Variants in SLC13A4 observed in about 807,000 individuals in gnomAD.
SLC13A4 encodes the protein solute carrier family 13 member 4.
A neutral mutation model predicts 72.7 loss-of-function variants in SLC13A4; 28 were observed. The ratio of observed to expected loss-of-function variants is 0.39; its 90% CI spans 0.29 to 0.53. SLC13A4 has a LOEUF of 0.53. Ranked by LOEUF, SLC13A4 falls within the 20% of genes least tolerant of loss-of-function variation. SLC13A4 has a pLI of 0.78. For synonymous variants in SLC13A4, 312 were observed against 325.5 expected, an observed-to-expected ratio of 0.96 and a Z score of 0.45; for missense variants, 653 against 788.0, an observed-to-expected ratio of 0.83 and a Z score of 2.05.
rs189428214 is a variant in SLC13A4, at chr7:135,720,833, C to T, written c.228+562G>A. On this transcript the variant is annotated intron_variant, in intron 2 of 15. Coordinates refer to ENST00000682651, the MANE Select transcript of SLC13A4 (RefSeq NM_001318192.2). ...ACAGACAGTGAATGGAGAGGGCTCA[C>T]TCTAGGGAGGGCGCAAAGAAAGAAA... Among the ~76,000 whole-genome samples the T allele has an allele frequency of 5.1e-4, 77 of 152,298 alleles. 1 individual carries two copies. The highest frequency in any genetic ancestry group is 1.8e-3 in the African/African-American group (75 of 41,570).
intron 2 of SLC13A4, among the ~76,000 whole-genome samples, chr7:135,720,183 C>G (rs961020677): frequency 1.3e-5 from 2 of 152,182 alleles, no homozygotes; most frequent in African/African-American, 4.8e-5. Context: ...TGAAGAGACT[C>G]ACAGTTCTAA....
At chr7:135,698,554 T>C (rs1452711081) in intron 8 of SLC13A4, among the ~76,000 whole-genome samples, 28 of 143,300 alleles carry the variant, frequency 2.0e-4, no homozygotes, top group South Asian at 4.6e-4. Context: ...AGGCTGGTCT[T>C]GAACTCCTGA....
chr7:135,726,309 T>G (rs1411174221), intron 1 of SLC13A4, among the ~76,000 whole-genome samples: 1 of 152,226 alleles, frequency 6.6e-6, no homozygotes, highest in Non-Finnish European at 1.5e-5. Flanking sequence ...CCAGTTTTAA[T>G]CAGCGTCTCC....
At chr7:135,684,653 T>G (rs562041180) in intron 14 of SLC13A4, among the ~76,000 whole-genome samples, 5 of 152,106 alleles carry the variant, frequency 3.3e-5, no homozygotes, top group Admixed American at 2.6e-4. Flanking sequence ...GTGGTTTTTT[T>G]TTTTTTTTTT....
chr7:135,702,848 G>T lies in SLC13A4; in HGVS notation c.630C>A (p.Asn210Lys). 6.2e-7 allele frequency: 1 copy of T among 1,613,678 alleles called. No individual in the cohort carries two copies. Among genetic ancestry groups the T allele is most frequent in the Non-Finnish European group, 8.5e-7 (1 of 1,179,592 alleles). Residue 210 changes from asparagine (N) to lysine (K), a missense_variant, in exon 6 of 16, where the codon AAC becomes AAA. Physicochemically the swap from Asn to Lys is moderately conservative, Grantham distance 94 (BLOSUM62 0). Transcript: ENST00000682651. ...SNADLTTLMHNENLNGVPSIT... is the reference protein window; with the variant it reads ...SNADLTTLMHKENLNGVPSIT... Reference sequence around the variant, plus strand: ...CAGAAAAACCCCAAGGCCATACCTCGTTGTGCATCAGAGTGGTGAGGTCTG... The same window carrying T: ...CAGAAAAACCCCAAGGCCATACCTCTTTGTGCATCAGAGTGGTGAGGTCTG...
chr7:135,712,647 C>T (rs1434749197), intron 2 of SLC13A4, among the ~76,000 whole-genome samples: 1 of 152,130 alleles, frequency 6.6e-6, no homozygotes, highest in Non-Finnish European at 1.5e-5. Flanking sequence ...GCCATTAGCA[C>T]ACAGAGTGGG....
intron 8 of SLC13A4, among the ~76,000 whole-genome samples, chr7:135,696,940 C>T (rs989261978): frequency 4.6e-5 from 7 of 152,228 alleles, no homozygotes; most frequent in Non-Finnish European, 7.3e-5. Context: ...GATTTCCCTT[C>T]CCTCTCTGCT....
At chr7:135,725,084 T>C (rs1373172532) in intron 1 of SLC13A4, among the ~76,000 whole-genome samples, 1 of 152,128 alleles carries the variant, frequency 6.6e-6, no homozygotes, top group Non-Finnish European at 1.5e-5. Context: ...TAATAGCAGG[T>C]ATGTGGGGGT....
rs547410020 is a variant in SLC13A4 at position 135,716,296 on chromosome 7, A to T, written c.228+5099T>A. ...TGATGTACTGGACACATCATTTATT[A>T]ATTTTTAAAATTAAAAAAAATTTTT... On this transcript the variant is annotated intron_variant, in intron 2 of 15. Transcript: ENST00000682651. Among the ~76,000 whole-genome samples the T allele has an allele frequency of 3.3e-5, 5 of 152,200 alleles. No homozygotes were observed. In the South Asian group the frequency reaches 6.2e-4, roughly 19 times the overall value.
In SLC13A4 at chr7:135,721,505, C is replaced by T. The variant is rs1408671731; in HGVS notation, c.118G>A (p.Val40Met). 6.2e-7 allele frequency: 1 copy of T among 1,614,032 alleles called. No individual in the cohort carries two copies. Among genetic ancestry groups the T allele is most frequent in the Non-Finnish European group, 8.5e-7 (1 of 1,179,940 alleles). Residue 40 changes from valine (V) to methionine (M), a missense_variant, in exon 2 of 16, where the codon GTG becomes ATG. Physicochemically the swap from Val to Met is conservative, Grantham distance 21 (BLOSUM62 1). Coordinates refer to ENST00000682651, the MANE Select transcript of SLC13A4 (RefSeq NM_001318192.2). ...CAGTACACAGCAGTCACGATCAGCA[C>T]GTAAGCACACGAGGCCTCCTGCAAG... ...HPSSEASCAY[V>M]LIVTAVYWVS... is the part of the protein sequence containing the mutation.
chr7:135,701,092 G>A (rs1017214338), intron 7 of SLC13A4, among the ~76,000 whole-genome samples: 3 of 152,098 alleles, frequency 2.0e-5, no homozygotes, highest in Non-Finnish European at 2.9e-5. Context: ...GCTCAAAATC[G>A]CTACCTCATT....
intron 2 of SLC13A4, among the ~76,000 whole-genome samples, chr7:135,714,429 G>A (rs1044166312): frequency 1.3e-5 from 2 of 152,214 alleles, no homozygotes; most frequent in Non-Finnish European, 2.9e-5. Context: ...TCAGGTGGTG[G>A]TTCACAGGGA....
chr7:135,701,931 C>T (rs553957414), intron 6 of SLC13A4, 171 bp from the exon 7 acceptor site: 22 of 563,888 alleles, frequency 3.9e-5, no homozygotes, highest in African/African-American at 1.5e-4. Flanking sequence ...AGGCCTGCCC[C>T]GCCCAGCCTG....
At chr7:135,694,090 C>T (rs1032791894) in intron 10 of SLC13A4, 47 bp downstream of exon 10, 3 of 1,145,256 alleles carry the variant, frequency 2.6e-6, no homozygotes, top group African/African-American at 3.0e-5. Flanking sequence ...ACTTTACCTG[C>T]TGTGTTTCTG....
rs955378297 is a variant in SLC13A4 at position 135,684,065 on chromosome 7, G to A, written c.1746+59C>T. 5 of 1,514,170 alleles carry A rather than the reference G, an allele frequency of 3.3e-6. No homozygotes were observed. In the African/African-American group the frequency reaches 6.9e-5, roughly 21 times the overall value. The allele number at this position is 1,514,170 out of a possible 1,614,324, so 93.8% of individuals were successfully genotyped here. ...ATAAGCTTTGAAAGAAGGCTGCAGA[G>A]CTGTCATCCCTGTCCTCATGGCAGC... On this transcript the variant is annotated intron_variant, in intron 15 of 15. Coordinates refer to ENST00000682651, the MANE Select transcript of SLC13A4 (RefSeq NM_001318192.2).
chr7:135,691,433 G>A (rs1243994491), intron 12 of SLC13A4, 108 bp from the exon 13 acceptor site: 18 of 1,095,500 alleles, frequency 1.6e-5, no homozygotes, highest in East Asian at 1.1e-4. Context: ...TATTTGGGGC[G>A]GGGGCCGGGA....
At chr7:135,715,260 T>G (rs1403156477) in intron 2 of SLC13A4, among the ~76,000 whole-genome samples, 1 of 151,606 alleles carries the variant, frequency 6.6e-6, no homozygotes, top group African/African-American at 2.4e-5. Context: ...TGTATGAGTG[T>G]GGGCATGTGT....
At chr7:135,699,852 TTAA>T (rs1276307244) in intron 7 of SLC13A4, among the ~76,000 whole-genome samples, 1 of 152,208 alleles carries the variant, frequency 6.6e-6, no homozygotes, top group Non-Finnish European at 1.5e-5. Flanking sequence ...ATTTTTGTGA[TTAA>T]TGTTATTATT....
rs1477237159 is a variant in SLC13A4, at chr7:135,708,100, C to CA, written c.365+13dup. ...AAGGATGCCCTATGTCCTGGCATCC[C>CA]AAATAAGACTTACATGCCCGGCTTG... On this transcript the variant is annotated intron_variant, in intron 3 of 15. Coordinates refer to ENST00000682651, the MANE Select transcript of SLC13A4 (RefSeq NM_001318192.2). 1 of 1,610,114 alleles carries CA rather than the reference C, an allele frequency of 6.2e-7. No homozygotes were observed. The highest frequency in any genetic ancestry group is 1.3e-5 in the African/African-American group (1 of 74,868).
Sources: allele counts gnomAD v4.1 joint callset (sites outside exome capture counted in the v4.1 genomes callset), GRCh38; gene constraint gnomAD v4.1.1; transcripts MANE v1.5; gene names NCBI Gene and HGNC (gene_info 2026-07-23, HGNC 2026-07-21).